CD81: variants seen among roughly 807,000 people sequenced by gnomAD.
CD81 encodes the protein CD81 antigen.
A neutral mutation model predicts 30.1 loss-of-function variants in CD81; 10 were observed. The ratio of observed to expected loss-of-function variants is 0.33; its 90% CI spans 0.21 to 0.56. CD81 has a LOEUF of 0.56. Among genes scored for constraint, CD81 ranks in the 20% least tolerant of loss-of-function variants. The probability of loss-of-function intolerance (pLI) is 0.89; values close to 1 mark genes in which losing one functional copy is unlikely to be tolerated. For synonymous variants in CD81, 147 were observed against 126.4 expected (o/e 1.16, Z -1.10); for missense variants, 263 against 308.7 (o/e 0.85, Z 1.11).
At chr11:2,395,357 G>T in intron 4 of CD81, 59 bp from the exon 5 acceptor site, 1 of 1,376,906 alleles carries the variant, frequency 7.3e-7, no homozygotes, top group East Asian at 2.3e-5. Flanking sequence ...GGGGCGGGGC[G>T]GGGTGGGGGC....
chr11:2,394,927 T>A, intron 3 of CD81, 45 bp from the exon 4 acceptor site: 1 of 1,574,446 alleles, frequency 6.4e-7, no homozygotes, highest in Non-Finnish European at 8.7e-7. Context: ...GGGCCCCGCC[T>A]ACAGCCTGCC....
In CD81 at chr11:2,382,979, C is replaced by T. The variant is rs528477840; in HGVS notation, c.66+5364C>T. On this transcript the variant is annotated intron_variant, in intron 1 of 7. Coordinates refer to ENST00000263645, the MANE Select transcript of CD81 (RefSeq NM_004356.4). ...CTGGTCCTGGAAGGGGCTTGGTCCT[C>T]GGGGCACTGGTGCCCACCACCCCTG... Among the ~76,000 whole-genome samples the T allele has an allele frequency of 7.5e-4, 114 of 152,270 alleles. 1 individual carries two copies. The highest frequency in any genetic ancestry group is 3.7e-3 in the Admixed American group (57 of 15,302).
intron 1 of CD81, chr11:2,386,123 G>A (rs1477091001): frequency 2.8e-6 from 2 of 717,296 alleles, no homozygotes; most frequent in African/African-American, 1.7e-5. Context: ...GCATGTGGCT[G>A]CAGCTTGACC....
chr11:2,390,249 C>T, intron 1 of CD81, 163 bp from the exon 2 acceptor site: 4 of 703,312 alleles, frequency 5.7e-6, no homozygotes, highest in East Asian at 2.7e-5. Flanking sequence ...TCCTGACTCC[C>T]GGGGCTCTTC....
At chr11:2,395,078 TG>T in intron 4 of CD81, 32 bp downstream of exon 4, 1 of 1,303,352 alleles carries the variant, frequency 7.7e-7, no homozygotes, top group Non-Finnish European at 1.1e-6. Context: ...CAGGGTGGGG[TG>T]GGTGACGGGG....
chr11:2,387,542 C>T (rs1849818700), intron 1 of CD81, among the ~76,000 whole-genome samples: 1 of 152,218 alleles, frequency 6.6e-6, no homozygotes, highest in South Asian at 2.1e-4. Context: ...GGGGCCACCC[C>T]CCAGCCCCCA....
intron 1 of CD81, among the ~76,000 whole-genome samples, chr11:2,382,182 G>A (rs1392247263): frequency 6.6e-6 from 1 of 152,238 alleles, no homozygotes; most frequent in African/African-American, 2.4e-5. Context: ...CAATGCCATG[G>A]CCGTGGGATG....
rs766038235 is a variant in CD81, at chr11:2,395,478, C to G, written c.417C>G (p.Asp139Glu). ...TACAGCAGGCCGTGGTGGATGATGACGCCAACAACGCCAAGGCTGTGGTGA... is the reference window on the plus strand; with the variant it reads ...TACAGCAGGCCGTGGTGGATGATGAGGCCAACAACGCCAAGGCTGTGGTGA... ...QALQQAVVDD[D>E]ANNAKAVVKT... The change falls in exon 5 of 8, where the codon GAC (aspartate) becomes GAG (glutamate). Residue 139 changes from aspartate (D) to glutamate (E), a missense_variant. Asp to Glu is a conservative substitution (Grantham distance 45). Coordinates refer to ENST00000263645, the MANE Select transcript of CD81 (RefSeq NM_004356.4). The G allele has an allele frequency of 1.2e-6, 2 of 1,612,600 alleles. No homozygotes were observed. Among genetic ancestry groups the G allele is most frequent in the Admixed American group, 1.7e-5 (1 of 60,000 alleles).
In CD81 at chr11:2,395,713, T is replaced by C. The variant is rs980090594; in HGVS notation, c.460-156T>C. 5 of 756,492 alleles carry C rather than the reference T, an allele frequency of 6.6e-6. No homozygotes were observed. In the African/African-American group the frequency reaches 8.6e-5, roughly 13 times the overall value. The allele number at this position is 756,492 out of a possible 1,614,324, so 46.9% of individuals were successfully genotyped here. On this transcript the variant is annotated intron_variant, in intron 5 of 7. Transcript: ENST00000263645. The stretch of plus-strand genomic sequence containing the variant: ...CAGGGTGGCCCAGGGTGCGGAAAGC[T>C]CTGAGCAGCGCAGCTGAGGAGGAAG...
chr11:2,377,679 C>T lies in CD81; in HGVS notation c.66+64C>T, dbSNP rs1849622813. The stretch of plus-strand genomic sequence containing the variant: ...GCACACACTCCACGTTGGGCAGGTC[C>T]CGCGGCAGCGTGCTAGGCCCCGCGG... On this transcript the variant is annotated intron_variant, in intron 1 of 7. Transcript: ENST00000263645. The surrounding 1 kb of genome is among the most constrained non-coding windows in gnomAD (Gnocchi z 7.7). The T allele has an allele frequency of 8.7e-7, 1 of 1,155,818 alleles. No individual in the cohort carries two copies. Among genetic ancestry groups the T allele is most frequent in the Non-Finnish European group, 1.2e-6 (1 of 831,788 alleles). The allele number at this position is 1,155,818 out of a possible 1,614,324, so 71.6% of individuals were successfully genotyped here.
intron 6 of CD81, 64 bp from the exon 7 acceptor site, chr11:2,396,564 T>C: frequency 2.2e-6 from 3 of 1,356,428 alleles, no homozygotes; most frequent in Non-Finnish European, 3.1e-6. Context: ...GATTACTGCG[T>C]GACAACGGGA....
intron 1 of CD81, among the ~76,000 whole-genome samples, chr11:2,387,682 C>T (rs1226321907): frequency 6.6e-6 from 1 of 152,148 alleles, no homozygotes; most frequent in Non-Finnish European, 1.5e-5. Flanking sequence ...CTCCCTGGGG[C>T]CTTGTCATGT....
At chr11:2,376,831 C>G (rs1325842524), upstream of CD81, 1 of 152,374 alleles carries the variant, frequency 6.6e-6, no homozygotes, top group Non-Finnish European at 1.5e-5. Flanking sequence ...GTTCCAGCCC[C>G]GGAGAGCAAT....
intron 1 of CD81, chr11:2,379,146 G>A (rs1849656018): frequency 6.6e-6 from 3 of 455,604 alleles, no homozygotes; most frequent in Non-Finnish European, 1.3e-5. Context: ...CAGGCATGTG[G>A]GAGAGGCACC....
intron 1 of CD81, chr11:2,379,071 G>A (rs966426979): frequency 4.5e-6 from 2 of 441,426 alleles, no homozygotes; most frequent in African/African-American, 4.0e-5. Flanking sequence ...ATTTGGGAGG[G>A]GCTCGCCTTC....
rs752987997 is a variant in CD81, at chr11:2,394,008, C to T, written c.182-87C>T. On this transcript the variant is annotated intron_variant, in intron 2 of 7. Coordinates refer to ENST00000263645, the MANE Select transcript of CD81 (RefSeq NM_004356.4). The stretch of plus-strand genomic sequence containing the variant: ...CCTACATCTTCCCAGCTGGGCGGCC[C>T]GTGGTGGGTTCGGCACCCAGGACCC... 89 of 975,358 alleles carry T rather than the reference C, an allele frequency of 9.1e-5. 1 individual carries two copies. Among genetic ancestry groups the T allele is most frequent in the Non-Finnish European group, 1.3e-4 (76 of 600,590 alleles). The allele number at this position is 975,358 out of a possible 1,614,324, so 60.4% of individuals were successfully genotyped here. A position where few individuals can be genotyped will look rare whatever the true frequency, so the allele number is the denominator to read the frequency against.
At position 2,390,537 on chromosome 11, in the gene CD81, A is replaced by T. The variant is rs181633254; in HGVS notation, c.181+11A>T. 6.3e-7 allele frequency: 1 copy of T among 1,583,862 alleles called. No homozygotes were observed. The highest frequency in any genetic ancestry group is 2.2e-5 in the East Asian group (1 of 44,746). On this transcript the variant is annotated intron_variant, in intron 2 of 7. Transcript: ENST00000263645. ...ACACCTTCTATGTAGGTGAGTGCACATGTGGCCGCAGACGCATTCAGGGAG... is the reference window on the plus strand; with the variant it reads ...ACACCTTCTATGTAGGTGAGTGCACTTGTGGCCGCAGACGCATTCAGGGAG...
At chr11:2,376,611 G>A (rs1283359212), upstream of CD81, among the ~76,000 whole-genome samples, 1 of 152,194 alleles carries the variant, frequency 6.6e-6, no homozygotes, top group Non-Finnish European at 1.5e-5. Flanking sequence ...CGAAATAGAT[G>A]CAATATCTGG....
chr11:2,380,865 G>A, intron 1 of CD81, among the ~76,000 whole-genome samples: 1 of 152,366 alleles, frequency 6.6e-6, no homozygotes, highest in South Asian at 2.1e-4. Flanking sequence ...TCCCCCGCCT[G>A]GGACTGGCTG....
Sources: allele counts gnomAD v4.1 joint callset (sites outside exome capture counted in the v4.1 genomes callset), GRCh38; gene constraint gnomAD v4.1.1; non-coding constraint Gnocchi (gnomAD v3.1); transcripts MANE v1.5; gene names NCBI Gene and HGNC (gene_info 2026-07-23, HGNC 2026-07-21).